The following TULP4 variants were observed in gnomAD, a reference collection of about 807,000 sequenced individuals.
TULP4 encodes the protein tubby-related protein 4.
In TULP4, 16 loss-of-function variants were observed where a neutral mutation model predicts 129.0. The ratio of observed to expected loss-of-function variants is 0.12; its 90% CI spans 0.08 to 0.19. The LOEUF (loss-of-function observed/expected upper bound fraction) is 0.19, where lower values mean the gene tolerates loss of function less well. TULP4 is among the 10% of genes least tolerant of loss of function. TULP4 has a pLI of 1.00. For synonymous variants in TULP4, 998 were observed against 854.0 expected (o/e 1.17, Z -2.94); for missense variants, 1,842 against 2,059.1 (o/e 0.89, Z 2.04).
Position 158,504,142 on chromosome 6 carries a change from C to G in TULP4, c.4479C>G (p.Ser1493=), listed in dbSNP as rs113907592. The change falls in exon 13 of 14, where the codon TCC becomes TCG. Residue 1493 remains serine (S), a synonymous_variant. Coordinates refer to ENST00000367097, the MANE Select transcript of TULP4 (RefSeq NM_020245.5). ...LDFGGRVTQE[S]AKNFQIELEG... ...TCGGGGGGCGGGTGACCCAGGAGTCCGCCAAGAACTTCCAGATTGAGTTAG... is the reference window on the plus strand; with the variant it reads ...TCGGGGGGCGGGTGACCCAGGAGTCGGCCAAGAACTTCCAGATTGAGTTAG... The G allele has an allele frequency of 2.5e-4, 399 of 1,604,898 alleles. 2 individuals are homozygous for G. The African/African-American group carries it at 4.9e-3, about 20-fold the overall frequency.
At chr6:158,398,768 T>C (rs705940) in intron 1 of TULP4, among the ~76,000 whole-genome samples, 71,078 of 152,142 alleles carry the variant, frequency 0.47, 17,197 homozygotes, top group African/African-American at 0.59. Context: ...TGTTTTCCAT[T>C]AATAGAATTT....
chr6:158,336,488 A>G (rs2114734701), intron 1 of TULP4, among the ~76,000 whole-genome samples: 1 of 152,278 alleles, frequency 6.6e-6, no homozygotes, highest in African/African-American at 2.4e-5. Flanking sequence ...CATAATTGGA[A>G]AGTCTTTTTC....
At position 158,481,163 on chromosome 6, in the gene TULP4, G is replaced by T; in HGVS notation, c.1360G>T (p.Gly454Cys). 6.2e-7 allele frequency: 1 copy of T among 1,614,192 alleles called. No individual in the cohort carries two copies. The highest frequency in any genetic ancestry group is 8.5e-7 in the Non-Finnish European group (1 of 1,180,020). ...GCGCACAGAGGACGACCCGGAGGTG[G>T]GCGGCCCGTGCTACACGCTCTACCT... ...MKRTEDDPEVGGPCYTLYLEY... is the reference protein window; with the variant it reads ...MKRTEDDPEVCGPCYTLYLEY... Residue 454 changes from glycine to cysteine, a missense_variant, in exon 8 of 14, where the codon GGC (glycine) becomes TGC (cysteine). Gly to Cys is a radical substitution (Grantham distance 159). This residue lies in a region of TULP4 where 456 missense variants were observed against 534.3 expected (regional missense o/e 0.85). Transcript: ENST00000367097.
chr6:158,272,614 A>C (rs1290685957), intron 1 of TULP4, among the ~76,000 whole-genome samples: 2 of 152,198 alleles, frequency 1.3e-5, no homozygotes, highest in African/African-American at 4.8e-5. Flanking sequence ...AGGTTTTGTC[A>C]TACCTCCATT....
intron 1 of TULP4, among the ~76,000 whole-genome samples, chr6:158,400,466 G>T (rs767406242): frequency 1.1e-4 from 16 of 152,088 alleles, no homozygotes; most frequent in Non-Finnish European, 1.8e-4. Context: ...GGTGTAGTGT[G>T]TGTGTGTAGA....
intron 1 of TULP4, among the ~76,000 whole-genome samples, chr6:158,276,175 G>C (rs7740804): frequency 0.33 from 50,534 of 151,806 alleles, 9,628 homozygotes; most frequent in African/African-American, 0.52. Flanking sequence ...TTACCATGTT[G>C]GGCAGGCTGG....
At chr6:158,472,427 T>G (rs1026149148) in intron 6 of TULP4, among the ~76,000 whole-genome samples, 1 of 152,218 alleles carries the variant, frequency 6.6e-6, no homozygotes, top group African/African-American at 2.4e-5. Context: ...GATTCTTTTT[T>G]TCATTGAGGG....
chr6:158,309,517 C>T (rs572692239), upstream of TULP4, among the ~76,000 whole-genome samples: 318 of 152,068 alleles, frequency 2.1e-3, no homozygotes, highest in South Asian at 2.9e-3. Flanking sequence ...GCACTCTCGG[C>T]GCTTTGGGAG....
At chr6:158,309,316 C>T (rs1779291146), upstream of TULP4, among the ~76,000 whole-genome samples, 1 of 143,424 alleles carries the variant, frequency 7.0e-6, no homozygotes, top group Non-Finnish European at 1.5e-5. Flanking sequence ...GAGGCGCTCC[C>T]CACATCTCAG....
intron 5 of TULP4, among the ~76,000 whole-genome samples, chr6:158,456,711 G>T (rs1316365437): frequency 6.6e-6 from 1 of 152,036 alleles, no homozygotes; most frequent in East Asian, 1.9e-4. Flanking sequence ...GCGTGTGCGT[G>T]TAATCCCAGC....
rs945667446 is a variant in TULP4, at chr6:158,508,527, C to T, written c.*1833C>T. 1 of 152,502 alleles carries T rather than the reference C, an allele frequency of 6.6e-6. No homozygotes were observed. The highest frequency in any genetic ancestry group is 2.4e-5 in the African/African-American group (1 of 41,408). The allele number at this position is 152,502 out of a possible 1,614,324, so 9.4% of individuals were successfully genotyped here. A position where few individuals can be genotyped will look rare whatever the true frequency, so the allele number is the denominator to read the frequency against. The stretch of plus-strand genomic sequence containing the variant: ...ATACCAGTTTCTCATTTATATTTAA[C>T]GTATTGGACCTGATATTTTTAGTGG... On this transcript the variant is annotated 3_prime_UTR_variant, in exon 14 of 14. Transcript: ENST00000367097.
At chr6:158,308,762 C>A (rs1426414798), upstream of TULP4, among the ~76,000 whole-genome samples, 1 of 134,798 alleles carries the variant, frequency 7.4e-6, no homozygotes, top group Non-Finnish European at 1.6e-5. Flanking sequence ...GGGGGGCTGA[C>A]CCCCCCACCT....
chr6:158,361,207 G>A (rs962145347), intron 1 of TULP4, among the ~76,000 whole-genome samples: 2 of 152,208 alleles, frequency 1.3e-5, no homozygotes, highest in Non-Finnish European at 2.9e-5. Flanking sequence ...AGCTGTCCTT[G>A]TCAGGTTCAG....
intron 2 of TULP4, among the ~76,000 whole-genome samples, chr6:158,423,132 G>C (rs951819278): frequency 9.3e-5 from 14 of 150,954 alleles, no homozygotes; most frequent in Admixed American, 2.0e-4. Context: ...AGGGGGGGGG[G>C]GGGAAAGAAA....
chr6:158,269,752 C>T (rs969632552), intron 1 of TULP4, among the ~76,000 whole-genome samples: 1 of 152,184 alleles, frequency 6.6e-6, no homozygotes, highest in African/African-American at 2.4e-5. Context: ...ACTATGTGGG[C>T]AGGTAATTAA....
At chr6:158,366,031 T>G (rs1210343255) in intron 1 of TULP4, among the ~76,000 whole-genome samples, 1 of 151,020 alleles carries the variant, frequency 6.6e-6, no homozygotes, top group African/African-American at 2.4e-5. Context: ...GCCTCCCTAG[T>G]AGCTGGGACT....
chr6:158,480,243 T>G (rs1779909206), intron 7 of TULP4, among the ~76,000 whole-genome samples: 1 of 152,158 alleles, frequency 6.6e-6, no homozygotes, highest in Admixed American at 6.5e-5. Context: ...ATCAAAGGAG[T>G]GACCATTATT....
At chr6:158,443,158 A>G (rs564936868) in intron 3 of TULP4, among the ~76,000 whole-genome samples, 14 of 152,130 alleles carry the variant, frequency 9.2e-5, no homozygotes, top group African/African-American at 3.4e-4. Flanking sequence ...TAACTTTTGT[A>G]TTTTTAGTAG....
In TULP4 at chr6:158,479,859, C is replaced by T; in HGVS notation, c.1135C>T (p.Leu379=). 1 of 1,613,970 alleles carries T rather than the reference C, an allele frequency of 6.2e-7. No individual in the cohort carries two copies. The highest frequency in any genetic ancestry group is 8.5e-7 in the Non-Finnish European group (1 of 1,180,040). ...GGAGCACCGGGTGTCCAGCCTGCAGCTGCTGTGCCAGCAGGCCATCGCCAG... is the reference window on the plus strand; with the variant it reads ...GGAGCACCGGGTGTCCAGCCTGCAGTTGCTGTGCCAGCAGGCCATCGCCAG... ...RVEHRVSSLQ[L]LCQQAIASTL... Residue 379 remains leucine (L), a synonymous_variant, in exon 7 of 14, where the codon CTG becomes TTG. Transcript: ENST00000367097.
Sources: gnomAD v4.1 joint callset for allele counts (sites outside exome capture counted in the v4.1 genomes callset) on GRCh38, gnomAD v4.1.1 for gene constraint, gnomAD v4.1.1 regional missense constraint, MANE v1.5 for transcripts, NCBI Gene and HGNC (gene_info 2026-07-23, HGNC 2026-07-21) for gene names.